Variants in DIAPH2 observed in about 807,000 individuals in gnomAD.
DIAPH2 encodes protein diaphanous homolog 2.
A neutral mutation model predicts 92.7 loss-of-function variants in DIAPH2; 35 were observed. The ratio of observed to expected loss-of-function variants is 0.38; its 90% CI spans 0.29 to 0.50. The LOEUF is 0.50. DIAPH2 is among the 20% of genes least tolerant of loss of function. DIAPH2 has a pLI of 0.94. For missense variants in DIAPH2, 701 were observed against 819.5 expected, an observed-to-expected ratio of 0.86 and a Z score of 1.77; for synonymous variants, 301 against 280.4, an observed-to-expected ratio of 1.07 and a Z score of -0.73.
chrX:97,175,360 C>T (rs1310965593), intron 22 of DIAPH2, among the ~76,000 whole-genome samples: 1 of 111,402 alleles, frequency 9.0e-6, no homozygotes, highest in Non-Finnish European at 1.9e-5. Flanking sequence ...TGCCATAGTT[C>T]TATACTGCCT....
In DIAPH2 at chrX:97,600,624, T is replaced by C. The variant is rs1329175207; in HGVS notation, c.*1307T>C. The C allele has an allele frequency of 8.9e-6, 1 of 112,719 alleles. No homozygotes were observed. Among genetic ancestry groups the C allele is most frequent in the Non-Finnish European group, 1.9e-5 (1 of 53,266 alleles). 9.3% of individuals were successfully genotyped at this position (112,719 alleles called of 1,213,427 possible). A position where few individuals can be genotyped will look rare whatever the true frequency, so the allele number is the denominator to read the frequency against. Reference sequence around the variant, plus strand: ...TACTTAACTTGTCTGTCTATTATTTTAAAATATGCATTGAAATAATGTGGT... The same window carrying C: ...TACTTAACTTGTCTGTCTATTATTTCAAAATATGCATTGAAATAATGTGGT... On this transcript the variant is annotated 3_prime_UTR_variant, in exon 27 of 27. Transcript: ENST00000324765.
chrX:96,908,847 C>T (rs959621824), intron 5 of DIAPH2, among the ~76,000 whole-genome samples: 2 of 111,876 alleles, frequency 1.8e-5, no homozygotes, highest in Non-Finnish European at 3.8e-5. Context: ...GATCCGCCCG[C>T]CTCGGCCTCC....
chrX:97,232,323 C>T (rs1234961827), intron 22 of DIAPH2, among the ~76,000 whole-genome samples: 1 of 111,704 alleles, frequency 9.0e-6, no homozygotes, highest in Non-Finnish European at 1.9e-5. Context: ...CAGCCTCCTT[C>T]TCCCGGGTTC....
At chrX:96,743,078 A>G (rs1446686741) in intron 3 of DIAPH2, among the ~76,000 whole-genome samples, 1 of 112,072 alleles carries the variant, frequency 8.9e-6, no homozygotes, top group East Asian at 2.8e-4. Flanking sequence ...GAAAATTACT[A>G]TTTCCTCTTT....
chrX:96,881,743 A>G (rs368087566), intron 5 of DIAPH2, 25 bp downstream of exon 5: 70 of 1,193,683 alleles, frequency 5.9e-5, no homozygotes, highest in Non-Finnish European at 7.7e-5. Context: ...TCATTTCGGT[A>G]TGATTCATAC....
At chrX:97,411,025 C>G (rs1397765000) in intron 25 of DIAPH2, among the ~76,000 whole-genome samples, 1 of 111,323 alleles carries the variant, frequency 9.0e-6, no homozygotes, top group Non-Finnish European at 1.9e-5. Flanking sequence ...GCAAGGCAGG[C>G]CAACATCCAA....
intron 4 of DIAPH2, among the ~76,000 whole-genome samples, chrX:96,762,857 T>C (rs1464853574): frequency 9.0e-6 from 1 of 111,271 alleles, no homozygotes; most frequent in Non-Finnish European, 1.9e-5. Flanking sequence ...CCTCAAATAG[T>C]AATTATCACT....
intron 5 of DIAPH2, among the ~76,000 whole-genome samples, chrX:96,899,686 G>C (rs963623543): frequency 9.0e-6 from 1 of 111,051 alleles, no homozygotes; most frequent in African/African-American, 3.3e-5. Context: ...GGGACAATTT[G>C]ATTTCCTCTT....
intron 4 of DIAPH2, among the ~76,000 whole-genome samples, chrX:96,859,858 G>T (rs2065063024): frequency 1.8e-5 from 2 of 110,678 alleles, no homozygotes; most frequent in Admixed American, 1.9e-4. Context: ...AGGCAGGATG[G>T]TCTCGATCTC....
intron 17 of DIAPH2, among the ~76,000 whole-genome samples, chrX:96,965,450 G>C (rs2065888430): frequency 9.0e-6 from 1 of 111,085 alleles, no homozygotes; most frequent in Non-Finnish European, 1.9e-5. Context: ...TATTTTTATT[G>C]TTAAATATGT....
At chrX:97,422,638 A>G (rs1485951678) in intron 25 of DIAPH2, among the ~76,000 whole-genome samples, 1 of 111,549 alleles carries the variant, frequency 9.0e-6, no homozygotes, top group Non-Finnish European at 1.9e-5. Context: ...TAAAACCATT[A>G]TGCCTCGGTT....
chrX:97,293,720 T>C (rs2147616803), intron 23 of DIAPH2, among the ~76,000 whole-genome samples: 1 of 111,920 alleles, frequency 8.9e-6, no homozygotes, highest in African/African-American at 3.2e-5. Flanking sequence ...TTTAGGTGTT[T>C]ATTTCTTTTT....
chrX:97,355,083 G>A (rs997898217), intron 24 of DIAPH2, among the ~76,000 whole-genome samples: 2 of 111,674 alleles, frequency 1.8e-5, no homozygotes, highest in African/African-American at 6.5e-5. Flanking sequence ...ACTTGTCTGA[G>A]AGCTCCCTGT....
chrX:97,448,356 G>A (rs1022632219), intron 26 of DIAPH2, among the ~76,000 whole-genome samples: 1 of 111,906 alleles, frequency 8.9e-6, no homozygotes, highest in Non-Finnish European at 1.9e-5. Context: ...TTTTGTTATG[G>A]TATAAATGTT....
intron 25 of DIAPH2, among the ~76,000 whole-genome samples, chrX:97,392,935 C>T (rs760697618): frequency 9.0e-6 from 1 of 111,134 alleles, no homozygotes; most frequent in African/African-American, 3.3e-5. Flanking sequence ...CTGTTGGTGT[C>T]GTTTTAGTGA....
intron 4 of DIAPH2, among the ~76,000 whole-genome samples, chrX:96,875,514 G>T (rs2065172617): frequency 9.0e-6 from 1 of 111,303 alleles, no homozygotes; most frequent in Non-Finnish European, 1.9e-5. Flanking sequence ...GAATTATGAT[G>T]CTTATACATT....
chrX:97,295,973 C>A (rs867792345), intron 23 of DIAPH2, among the ~76,000 whole-genome samples: 1 of 110,868 alleles, frequency 9.0e-6, no homozygotes, highest in Non-Finnish European at 1.9e-5. Context: ...TTCAGGTCAT[C>A]TGCCCACTTC....
chrX:97,487,230 A>G (rs1014750007), intron 26 of DIAPH2, among the ~76,000 whole-genome samples: 1 of 111,897 alleles, frequency 8.9e-6, no homozygotes, highest in Non-Finnish European at 1.9e-5. Context: ...TGCAGTGAAC[A>G]TGGGAGTGCA....
At chrX:97,415,467 C>T (rs984408333) in intron 25 of DIAPH2, among the ~76,000 whole-genome samples, 7 of 111,570 alleles carry the variant, frequency 6.3e-5, no homozygotes, top group Non-Finnish European at 1.1e-4. Flanking sequence ...TGTCCATCAA[C>T]GATAGACTGG....
Sources: gnomAD v4.1 joint callset for allele counts (sites outside exome capture counted in the v4.1 genomes callset) on GRCh38, gnomAD v4.1.1 for gene constraint, MANE v1.5 for transcripts, NCBI Gene and HGNC (gene_info 2026-07-23, HGNC 2026-07-21) for gene names.